Variants in TLN2 observed in about 807,000 individuals in gnomAD.
The protein encoded by TLN2 is talin-2.
In TLN2, 118 loss-of-function variants were observed where a neutral mutation model predicts 294.7. The ratio of observed to expected loss-of-function variants is 0.40; its 90% CI spans 0.34 to 0.47. The LOEUF (loss-of-function observed/expected upper bound fraction) is 0.47. Ranked by LOEUF, TLN2 falls within the 20% of genes least tolerant of loss-of-function variation. The pLI, the probability that TLN2 is intolerant of heterozygous loss-of-function variation, is 0.84. For missense variants in TLN2, 3,083 were observed against 3,282.2 expected (o/e 0.94, Z 1.48); for synonymous variants, 1,431 against 1,304.5 (o/e 1.10, Z -2.09).
chr15:62,518,041 GCAGTT>G (rs1451726927), intron 1 of TLN2, among the ~76,000 whole-genome samples: 2 of 119,492 alleles, frequency 1.7e-5, no homozygotes, highest in Non-Finnish European at 3.3e-5. Flanking sequence ...TTAGCTAGCA[GCAGTT>G]TTTTTTTTTT....
chr15:62,431,808 A>G (rs910177016), intron 1 of TLN2, among the ~76,000 whole-genome samples: 3 of 152,254 alleles, frequency 2.0e-5, no homozygotes, highest in Non-Finnish European at 4.4e-5. Context: ...CCAGAAACCC[A>G]TGTATATTTA....
At chr15:62,640,602 C>CT (rs1193891299) in intron 3 of TLN2, among the ~76,000 whole-genome samples, 1 of 152,024 alleles carries the variant, frequency 6.6e-6, no homozygotes, top group Admixed American at 6.5e-5. Context: ...AGGGTGAGGG[C>CT]TTTTTCCCTC....
rs35153560 is a variant in TLN2, at chr15:62,504,952, T to TTTGTTG, written c.-237-84720_-237-84715dup. Among the ~76,000 whole-genome samples, 74 of 151,396 alleles carry TTTGTTG rather than the reference T, an allele frequency of 4.9e-4. 1 individual carries two copies. The East Asian group carries it at 6.0e-3, about 12-fold the overall frequency. ...TAACATTAAAAAACAGAAACATGTT[T>TTTGTTG]TTGTTGTTGTTGTTGTTGTTTTGAG... On this transcript the variant is annotated intron_variant, in intron 1 of 58. Transcript: ENST00000636159.
In TLN2 at chr15:62,581,670, G is replaced by A. The variant is rs375993233; in HGVS notation, c.-237-8017G>A. On this transcript the variant is annotated intron_variant, in intron 1 of 58. Transcript: ENST00000636159. ...TGGAGGTGGGAAGGAAGGCATAAAT[G>A]TAAAATAGTGTATTTCCCTAGTTGA... 7.9e-5 allele frequency among the ~76,000 whole-genome samples: 12 copies of A among 152,290 alleles called. No homozygotes were observed. In the East Asian group the frequency reaches 1.4e-3, roughly 17 times the overall value.
chr15:62,473,441 C>G (rs1457609007), intron 1 of TLN2, among the ~76,000 whole-genome samples: 1 of 152,032 alleles, frequency 6.6e-6, no homozygotes, highest in Non-Finnish European at 1.5e-5. Context: ...ATCTGCGGAG[C>G]CAACAACCAG....
chr15:62,808,931 C>G (rs1012321907), intron 51 of TLN2, among the ~76,000 whole-genome samples: 190 of 152,388 alleles, frequency 1.2e-3, no homozygotes, highest in African/African-American at 4.5e-3. Flanking sequence ...TCAGCACTCA[C>G]ATTCCTAGGA....
intron 1 of TLN2, among the ~76,000 whole-genome samples, chr15:62,515,716 T>C (rs2040153371): frequency 2.7e-5 from 4 of 147,318 alleles, no homozygotes; most frequent in Admixed American, 2.7e-4. Context: ...TTGGGGTTTT[T>C]GGTGTTTTTC....
intron 1 of TLN2, among the ~76,000 whole-genome samples, chr15:62,564,738 CT>C (rs2043240371): frequency 6.6e-6 from 1 of 151,784 alleles, no homozygotes; most frequent in African/African-American, 2.4e-5. Flanking sequence ...AAAACCCCGT[CT>C]TTACTAAAAA....
chr15:62,482,871 C>G lies in TLN2; in HGVS notation c.-238+92186C>G, dbSNP rs547443898. 4.6e-5 allele frequency among the ~76,000 whole-genome samples: 7 copies of G among 152,248 alleles called. No homozygotes were observed. In the South Asian group the frequency reaches 1.5e-3, roughly 32 times the overall value. On this transcript the variant is annotated intron_variant, in intron 1 of 58. Coordinates refer to ENST00000636159, the MANE Select transcript of TLN2 (RefSeq NM_015059.3). ...CTCATTGTGGGGTTTCCCTGTACTT[C>G]CCCAGCCCTCCCTGAGGGCTTCTCT...
At position 62,800,652 on chromosome 15, in the gene TLN2, G is replaced by A; in HGVS notation, c.6361-1G>A. 6.2e-7 allele frequency: 1 copy of A among 1,614,112 alleles called. No homozygotes were observed. The highest frequency in any genetic ancestry group is 1.1e-5 in the South Asian group (1 of 91,064). ...TGTATTCATTCTCCCTTCCTATGCA[G>A]GTGATGGTGACCAATGTCACCTCGC... On this transcript the variant is annotated splice_acceptor_variant, in intron 49 of 58. Transcript: ENST00000636159. LOFTEE classifies it high-confidence loss of function.
At position 62,420,537 on chromosome 15, in the gene TLN2, C is replaced by T. The variant is rs557844932; in HGVS notation, c.-238+29852C>T. On this transcript the variant is annotated intron_variant, in intron 1 of 58. Coordinates refer to ENST00000636159, the MANE Select transcript of TLN2 (RefSeq NM_015059.3). ...TCAGCCTTCCGAGCAGCTGGGACTA[C>T]AGGCGTGCCACCATGCTCGGCTAAT... is the stretch of plus-strand genomic sequence containing the variant. 1.8e-3 allele frequency among the ~76,000 whole-genome samples: 268 copies of T among 152,264 alleles called. 3 individuals are homozygous for T. Among genetic ancestry groups the T allele is most frequent in the African/African-American group, 5.2e-3 (214 of 41,544 alleles).
chr15:62,526,153 G>A (rs192907718), intron 1 of TLN2, among the ~76,000 whole-genome samples: 115 of 152,050 alleles, frequency 7.6e-4, no homozygotes, highest in African/African-American at 2.6e-3. Context: ...TATTTGAGAC[G>A]GAGGCTCTCT....
At chr15:62,560,404 A>G (rs1289994451) in intron 1 of TLN2, among the ~76,000 whole-genome samples, 3 of 152,032 alleles carry the variant, frequency 2.0e-5, no homozygotes, top group Non-Finnish European at 4.4e-5. Context: ...GTCTTGGGGT[A>G]TGGAAGTCAT....
intron 26 of TLN2, among the ~76,000 whole-genome samples, chr15:62,723,538 CTTTTTTTTT>C (rs555674609): frequency 7.5e-5 from 8 of 107,220 alleles, no homozygotes; most frequent in Non-Finnish European, 6.9e-5. Context: ...ACTGTGAAAA[CTTTTTTTTT>C]TTTTTTTTTT....
At chr15:62,506,764 C>G (rs1463833318) in intron 1 of TLN2, among the ~76,000 whole-genome samples, 1 of 152,232 alleles carries the variant, frequency 6.6e-6, no homozygotes, top group African/African-American at 2.4e-5. Context: ...GTTAAAACAG[C>G]TGATTCCACT....
At chr15:62,765,838 G>A (rs2062966107) in intron 40 of TLN2, among the ~76,000 whole-genome samples, 1 of 152,178 alleles carries the variant, frequency 6.6e-6, no homozygotes, top group South Asian at 2.1e-4. Flanking sequence ...TTTTCACAGT[G>A]CACTGTTTGG....
rs529052317 is a variant in TLN2, at chr15:62,720,370, C to T, written c.2991+490C>T. 5.3e-5 allele frequency among the ~76,000 whole-genome samples: 8 copies of T among 152,182 alleles called. No individual in the cohort carries two copies. The East Asian group carries it at 5.8e-4, about 11-fold the overall frequency. On this transcript the variant is annotated intron_variant, in intron 25 of 58. Coordinates refer to ENST00000636159, the MANE Select transcript of TLN2 (RefSeq NM_015059.3). ...GTAGATTCATTTTAAGGAAAATAAA[C>T]GAAAATATTAAGTTGTGGAAAAATT...
intron 1 of TLN2, among the ~76,000 whole-genome samples, chr15:62,530,908 C>T (rs1398148742): frequency 6.6e-6 from 1 of 152,118 alleles, no homozygotes; most frequent in Non-Finnish European, 1.5e-5. Context: ...ACTTCTGTGC[C>T]TTTTTTCCCT....
At chr15:62,598,851 C>T (rs187664050) in intron 2 of TLN2, among the ~76,000 whole-genome samples, 84 of 151,954 alleles carry the variant, frequency 5.5e-4, no homozygotes, top group African/African-American at 2.0e-3. Flanking sequence ...TGGTAGTGAC[C>T]GGATGGATGG....
Sources: gnomAD v4.1 joint callset for allele counts (sites outside exome capture counted in the v4.1 genomes callset) on GRCh38, gnomAD v4.1.1 for gene constraint, MANE v1.5 for transcripts, NCBI Gene and HGNC (gene_info 2026-07-23, HGNC 2026-07-21) for gene names.